The following CAB39 variants were observed in gnomAD, a reference collection of about 807,000 sequenced individuals.
CAB39 encodes the protein calcium-binding protein 39.
A neutral mutation model predicts 40.0 loss-of-function variants in CAB39; 8 were observed. The ratio of observed to expected loss-of-function variants is 0.20; its 90% CI spans 0.12 to 0.36. The LOEUF (loss-of-function observed/expected upper bound fraction) is 0.36. Ranked by LOEUF, CAB39 falls within the 10% of genes least tolerant of loss-of-function variation. The probability of loss-of-function intolerance (pLI) is 1.00; values close to 1 mark genes in which losing one functional copy is unlikely to be tolerated. For synonymous variants in CAB39, 156 were observed against 141.6 expected, an observed-to-expected ratio of 1.10 and a Z score of -0.72; for missense variants, 270 against 401.1, an observed-to-expected ratio of 0.67 and a Z score of 2.79.
At chr2:230,784,825 C>G (rs190357262) in intron 2 of CAB39, among the ~76,000 whole-genome samples, 1 of 152,142 alleles carries the variant, frequency 6.6e-6, no homozygotes, top group African/African-American at 2.4e-5. Flanking sequence ...TGTCTGGCCA[C>G]GAGAGCACAC....
intron 1 of CAB39, among the ~76,000 whole-genome samples, chr2:230,737,536 G>T (rs1694808202): frequency 1.3e-5 from 2 of 152,174 alleles, no homozygotes; most frequent in Non-Finnish European, 2.9e-5. Context: ...AGGCCTGCAC[G>T]AAAATGATCA....
chr2:230,787,424 A>G (rs1695812764), intron 2 of CAB39, among the ~76,000 whole-genome samples: 2 of 152,228 alleles, frequency 1.3e-5, no homozygotes, highest in African/African-American at 2.4e-5. Context: ...TTGGATGTCC[A>G]TCAGAATCCA....
intron 2 of CAB39, among the ~76,000 whole-genome samples, chr2:230,771,304 GAAAAAAGAATGGA>G (rs1177709580): frequency 1.3e-5 from 2 of 151,358 alleles, no homozygotes; most frequent in Non-Finnish European, 2.9e-5. Context: ...GTGTAATTGG[GAAAAAAGAATGGA>G]AAAAAAGAAA....
intron 1 of CAB39, among the ~76,000 whole-genome samples, chr2:230,759,706 G>A (rs563386826): frequency 9.3e-4 from 141 of 152,324 alleles, no homozygotes; most frequent in African/African-American, 3.1e-3. Flanking sequence ...CCCCATTTGC[G>A]TGGTTAGGAG....
At chr2:230,755,842 T>G (rs1257730385) in intron 1 of CAB39, among the ~76,000 whole-genome samples, 1 of 152,146 alleles carries the variant, frequency 6.6e-6, no homozygotes, top group Non-Finnish European at 1.5e-5. Context: ...GGTAGGTGGA[T>G]TGTTATGGTG....
intron 6 of CAB39, among the ~76,000 whole-genome samples, chr2:230,811,020 C>T (rs1386216502): frequency 6.6e-6 from 1 of 152,158 alleles, no homozygotes; most frequent in African/African-American, 2.4e-5. Flanking sequence ...TTCTGCCAGC[C>T]TCAGGAGGAT....
Position 230,763,916 on chromosome 2 carries a change from G to C in CAB39, c.114+3801G>C, listed in dbSNP as rs114186877. 7.8e-3 allele frequency among the ~76,000 whole-genome samples: 1,192 copies of C among 152,262 alleles called. 10 individuals are homozygous for C. The highest frequency in any genetic ancestry group is 0.021 in the Middle Eastern group (6 of 292). ...TCGAGCGGATCACTTGAGTTCAGGAGTTCGAGACTAGCATGACCAACATAG... is the reference window on the plus strand; with the variant it reads ...TCGAGCGGATCACTTGAGTTCAGGACTTCGAGACTAGCATGACCAACATAG... On this transcript the variant is annotated intron_variant, in intron 2 of 8. Coordinates refer to ENST00000258418, the MANE Select transcript of CAB39 (RefSeq NM_016289.4).
chr2:230,761,888 TTTGTTGTTGTTGTTG>T (rs55722046), intron 2 of CAB39, among the ~76,000 whole-genome samples: 149 of 149,958 alleles, frequency 9.9e-4, no homozygotes, highest in African/African-American at 3.5e-3. Flanking sequence ...TTGTTTTTTA[TTTGTTGTTGTTGTTG>T]TTGTTGTTGT....
chr2:230,783,469 T>TTTTGTTTTG (rs1367905766), intron 2 of CAB39, among the ~76,000 whole-genome samples: 7 of 151,820 alleles, frequency 4.6e-5, no homozygotes, highest in African/African-American at 1.7e-4. Flanking sequence ...TTTTGTTTTG[T>TTTTGTTTTG]TTTGTTTTGT....
intron 2 of CAB39, among the ~76,000 whole-genome samples, chr2:230,788,930 C>A (rs1315135743): frequency 6.6e-6 from 1 of 152,204 alleles, no homozygotes; most frequent in African/African-American, 2.4e-5. Flanking sequence ...TATGGAATTA[C>A]AATTTTTATT....
intron 4 of CAB39, among the ~76,000 whole-genome samples, chr2:230,794,844 C>G (rs1039188807): frequency 5.7e-5 from 4 of 69,882 alleles, no homozygotes; most frequent in African/African-American, 2.8e-4. Flanking sequence ...CATGACATCA[C>G]TCAGTATGCA....
At chr2:230,776,783 T>C (rs1011742894) in intron 2 of CAB39, among the ~76,000 whole-genome samples, 6 of 151,890 alleles carry the variant, frequency 4.0e-5, no homozygotes, top group Non-Finnish European at 5.9e-5. Flanking sequence ...CTCCACCTCC[T>C]GGGTTCATGC....
chr2:230,713,760 G>A (rs1694296920), intron 1 of CAB39: 1 of 152,342 alleles, frequency 6.6e-6, no homozygotes, highest in Non-Finnish European at 1.5e-5. Context: ...AGCGCAGACT[G>A]CGTGCAGGCG....
chr2:230,717,578 G>A (rs767216409), intron 1 of CAB39, among the ~76,000 whole-genome samples: 1 of 152,216 alleles, frequency 6.6e-6, no homozygotes, highest in Non-Finnish European at 1.5e-5. Flanking sequence ...CATTTGTAGA[G>A]TAGAACAGTC....
chr2:230,819,639 T>C lies in CAB39; in HGVS notation c.*935T>C, dbSNP rs1696471444. The C allele has an allele frequency of 6.6e-6, 1 of 152,572 alleles. No individual in the cohort carries two copies. Among genetic ancestry groups the C allele is most frequent in the Non-Finnish European group, 1.5e-5 (1 of 68,030 alleles). 9.5% of individuals were successfully genotyped at this position (152,572 alleles called of 1,614,324 possible). On this transcript the variant is annotated 3_prime_UTR_variant, in exon 9 of 9. Transcript: ENST00000258418. ...TTCAGATCACATGAAAATGCTGATTTAACATTTAAGTATCACAGCATTAAA... is the reference window on the plus strand; with the variant it reads ...TTCAGATCACATGAAAATGCTGATTCAACATTTAAGTATCACAGCATTAAA...
At chr2:230,742,729 T>C (rs1316549523) in intron 1 of CAB39, among the ~76,000 whole-genome samples, 1 of 152,158 alleles carries the variant, frequency 6.6e-6, no homozygotes, top group Non-Finnish European at 1.5e-5. Flanking sequence ...TCATTAATGA[T>C]TGGCAATTCA....
chr2:230,792,029 G>A (rs776984361), intron 3 of CAB39, among the ~76,000 whole-genome samples: 2 of 152,120 alleles, frequency 1.3e-5, no homozygotes, highest in Admixed American at 1.3e-4. Context: ...AATGACAGAC[G>A]TATAGCCAGA....
intron 1 of CAB39, among the ~76,000 whole-genome samples, chr2:230,730,897 A>G (rs1263482590): frequency 6.6e-6 from 1 of 152,272 alleles, no homozygotes; most frequent in Non-Finnish European, 1.5e-5. Context: ...GTAAAAGCTT[A>G]TACAAACTGA....
intron 2 of CAB39, among the ~76,000 whole-genome samples, chr2:230,769,918 C>T (rs1251509695): frequency 6.6e-6 from 1 of 151,728 alleles, no homozygotes; most frequent in Non-Finnish European, 1.5e-5. Context: ...GATCACACCA[C>T]TTGACTCCAG....
Sources: allele counts gnomAD v4.1 joint callset (sites outside exome capture counted in the v4.1 genomes callset), GRCh38; gene constraint gnomAD v4.1.1; transcripts MANE v1.5; gene names NCBI Gene and HGNC (gene_info 2026-07-23, HGNC 2026-07-21).